The following RANBP2 variants were observed in gnomAD, a reference collection of about 807,000 sequenced individuals.
RANBP2 encodes E3 SUMO-protein ligase RanBP2.
In RANBP2, 57 loss-of-function variants were observed where a neutral mutation model predicts 303.6. The ratio of observed to expected loss-of-function variants is 0.19; its 90% confidence interval spans 0.15 to 0.23. The LOEUF is 0.23. Ranked by LOEUF, RANBP2 falls within the 10% of genes least tolerant of loss-of-function variation. The pLI is 1.00. For synonymous variants in RANBP2, 1,167 were observed against 1,301.5 expected (o/e 0.90, Z 2.23); for missense variants, 3,138 against 3,780.8 (o/e 0.83, Z 4.46).
chr2:109,072,337 T>C, the RANBP2 span, among the ~76,000 whole-genome samples: 4 of 152,098 alleles, frequency 2.6e-5, no homozygotes, highest in Admixed American at 2.6e-4. Flanking sequence ...CATGATTCCG[T>C]GAAAGAAACT....
At chr2:108,799,188 ATG>A in the RANBP2 span, among the ~76,000 whole-genome samples, 1 of 152,186 alleles carries the variant, frequency 6.6e-6, no homozygotes, top group Non-Finnish European at 1.5e-5. Flanking sequence ...GCATTCTTAT[ATG>A]TCACATTGTG....
chr2:109,141,220 A>T, the RANBP2 span, among the ~76,000 whole-genome samples: 1 of 152,064 alleles, frequency 6.6e-6, no homozygotes, highest in Non-Finnish European at 1.5e-5. Context: ...TTATTTGTTC[A>T]GGCTGTTTCA....
At chr2:108,897,466 A>C in the RANBP2 span, among the ~76,000 whole-genome samples, 494 of 152,204 alleles carry the variant, frequency 3.2e-3, 2 homozygotes, top group African/African-American at 0.011. Flanking sequence ...CCCCTTCCCC[A>C]CTAGGAAAAT....
At chr2:109,049,979 C>A in the RANBP2 span, among the ~76,000 whole-genome samples, 1 of 152,102 alleles carries the variant, frequency 6.6e-6, no homozygotes, top group Non-Finnish European at 1.5e-5. Context: ...CCACCGTGAG[C>A]GTGTATTTGT....
chr2:109,011,261 T>C, the RANBP2 span, among the ~76,000 whole-genome samples: 1 of 152,228 alleles, frequency 6.6e-6, no homozygotes, highest in East Asian at 1.9e-4. Context: ...CTGGAATTCA[T>C]AGGCTGTGAA....
At chr2:109,238,270 T>A in the RANBP2 span, among the ~76,000 whole-genome samples, 1,123 of 152,274 alleles carry the variant, frequency 7.4e-3, 9 homozygotes, top group South Asian at 0.024. Context: ...GCTCTAAAAA[T>A]GAAGCAGGAT....
At chr2:109,599,612 T>C in the RANBP2 span, among the ~76,000 whole-genome samples, 3 of 152,020 alleles carry the variant, frequency 2.0e-5, no homozygotes, top group African/African-American at 4.8e-5. Flanking sequence ...CCCAGCAAAA[T>C]AGCACCTCCA....
the RANBP2 span, chr2:108,930,151 G>A: frequency 6.2e-7 from 1 of 1,614,018 alleles, no homozygotes; most frequent in Non-Finnish European, 8.5e-7. Context: ...CCCACACGGG[G>A]GGCACTCCTG....
At chr2:109,338,222 G>A in the RANBP2 span, among the ~76,000 whole-genome samples, 5 of 152,072 alleles carry the variant, frequency 3.3e-5, no homozygotes, top group South Asian at 2.1e-4. Context: ...TAACTCATTC[G>A]ATCTCACATT....
At chr2:108,852,297 G>C in the RANBP2 span, among the ~76,000 whole-genome samples, 1 of 152,184 alleles carries the variant, frequency 6.6e-6, no homozygotes, top group Non-Finnish European at 1.5e-5. Context: ...CTTGTACACT[G>C]TTTGTGGGAG....
the RANBP2 span, among the ~76,000 whole-genome samples, chr2:109,491,223 T>C: frequency 1.3e-5 from 2 of 152,082 alleles, no homozygotes; most frequent in African/African-American, 2.4e-5. Flanking sequence ...TGAGTGCAAA[T>C]AGTGGGAGAC....
chr2:109,279,879 G>T, the RANBP2 span, among the ~76,000 whole-genome samples: 1 of 152,070 alleles, frequency 6.6e-6, no homozygotes. Context: ...ATGGGCCCCT[G>T]GGGGGTGAGA....
At chr2:108,774,394 C>T (rs941284950) in intron 23 of RANBP2, among the ~76,000 whole-genome samples, 1 of 152,102 alleles carries the variant, frequency 6.6e-6, no homozygotes, top group African/African-American at 2.4e-5. Flanking sequence ...CCAGGAGTTC[C>T]AGGCTGCAGT....
chr2:108,924,952 T>C, the RANBP2 span, among the ~76,000 whole-genome samples: 1 of 152,244 alleles, frequency 6.6e-6, no homozygotes, highest in Non-Finnish European at 1.5e-5. Context: ...CTGACACTTC[T>C]GAGAAACATC....
At chr2:109,273,993 T>C in the RANBP2 span, among the ~76,000 whole-genome samples, 1 of 152,236 alleles carries the variant, frequency 6.6e-6, no homozygotes, top group Non-Finnish European at 1.5e-5. Flanking sequence ...GCAAGGATAA[T>C]ACTTACCATA....
chr2:108,894,923 T>A, the RANBP2 span: 1 of 152,184 alleles, frequency 6.6e-6, no homozygotes, highest in Non-Finnish European at 1.5e-5. Flanking sequence ...CCCCACTCTT[T>A]CGCTGAAAAC....
the RANBP2 span, chr2:108,912,666 C>A: frequency 6.3e-7 from 1 of 1,577,110 alleles, no homozygotes. Flanking sequence ...GATACCTGAG[C>A]ACCCTCCTCA....
chr2:108,912,798 G>C, the RANBP2 span: 1 of 1,535,218 alleles, frequency 6.5e-7, no homozygotes, highest in East Asian at 2.4e-5. Context: ...AAATGATCCA[G>C]AGAAGCTCCA....
At chr2:108,780,997 C>A (rs1159599579) in intron 25 of RANBP2, among the ~76,000 whole-genome samples, 1 of 151,872 alleles carries the variant, frequency 6.6e-6, no homozygotes, top group African/African-American at 2.4e-5. Flanking sequence ...GCGTGAGCCA[C>A]TGCGCCCAGC....
Sources: allele counts gnomAD v4.1 joint callset (sites outside exome capture counted in the v4.1 genomes callset), GRCh38; gene constraint gnomAD v4.1.1; transcripts MANE v1.5; gene names NCBI Gene and HGNC (gene_info 2026-07-23, HGNC 2026-07-21).